Variants in CACNA1E observed in about 807,000 individuals in gnomAD.
CACNA1E encodes the protein voltage-dependent R-type calcium channel subunit alpha-1E.
Under a neutral mutation model 259.2 loss-of-function variants are expected in CACNA1E, and 40 were observed. The observed-to-expected ratio is 0.15, with a 90% CI of 0.12 to 0.20. The LOEUF (loss-of-function observed/expected upper bound fraction) is 0.20. Among genes scored for constraint, CACNA1E ranks in the 10% least tolerant of loss-of-function variants. CACNA1E has a pLI of 1.00. For missense variants in CACNA1E, 1,874 were observed against 3,040.1 expected, an observed-to-expected ratio of 0.62 and a Z score of 9.02; for synonymous variants, 1,104 against 1,138.5, an observed-to-expected ratio of 0.97 and a Z score of 0.61.
chr1:181,498,905 G>T (rs1179540371), intron 1 of CACNA1E, among the ~76,000 whole-genome samples: 1 of 152,132 alleles, frequency 6.6e-6, no homozygotes, highest in Non-Finnish European at 1.5e-5. Flanking sequence ...TTGGGGCATA[G>T]GAGGCTGGAT....
At chr1:181,472,106 T>G (rs111481826) in intron 2 of CACNA1E, among the ~76,000 whole-genome samples, 5 of 151,918 alleles carry the variant, frequency 3.3e-5, no homozygotes, top group Non-Finnish European at 5.9e-5. Context: ...TCCTGCCATT[T>G]GCCCCAACAT....
At chr1:181,439,431 C>A (rs202059875) in intron 2 of CACNA1E, among the ~76,000 whole-genome samples, 6 of 38,434 alleles carry the variant, frequency 1.6e-4, no homozygotes, top group Admixed American at 3.2e-4. Context: ...TAGACTCTAC[C>A]TTTTTTCTGC....
chr1:181,461,464 T>C (rs1011659125), intron 2 of CACNA1E, among the ~76,000 whole-genome samples: 21 of 148,750 alleles, frequency 1.4e-4, no homozygotes, highest in South Asian at 4.2e-4. Flanking sequence ...TGGCATCAAC[T>C]TGGGAGGCGG....
chr1:181,660,337 A>G (rs974457916), intron 7 of CACNA1E, among the ~76,000 whole-genome samples: 1 of 152,244 alleles, frequency 6.6e-6, no homozygotes. Context: ...TAGAATACAA[A>G]GATGGGTAAA....
intron 3 of CACNA1E, among the ~76,000 whole-genome samples, chr1:181,555,769 G>A (rs10436858): frequency 0.025 from 3,753 of 152,272 alleles, 149 homozygotes; most frequent in African/African-American, 0.086. Flanking sequence ...TAAATATAAT[G>A]TACTATGTTG....
intron 37 of CACNA1E, among the ~76,000 whole-genome samples, chr1:181,773,380 A>AG (rs1659692141): frequency 6.6e-6 from 1 of 152,230 alleles, no homozygotes; most frequent in Non-Finnish European, 1.5e-5. Context: ...ATAAAATGGG[A>AG]GAAAAAAATG....
intron 7 of CACNA1E, among the ~76,000 whole-genome samples, chr1:181,678,706 C>T (rs1448361099): frequency 6.6e-6 from 1 of 152,138 alleles, no homozygotes; most frequent in Non-Finnish European, 1.5e-5. Flanking sequence ...GGCTCAAATC[C>T]TCATTCTTCA....
chr1:181,325,494 T>C lies in CACNA1E; in HGVS notation c.-15+7371T>C, dbSNP rs73057819. Among the ~76,000 whole-genome samples the C allele has an allele frequency of 8.3e-3, 1,270 of 152,242 alleles. 23 individuals are homozygous for C. The highest frequency in any genetic ancestry group is 0.029 in the African/African-American group (1,224 of 41,554). ...AACTTCTTAGGCATTCAAATTCTCA[T>C]GCCCAGTCCCAGACATCCTGGATCA... is the stretch of plus-strand genomic sequence containing the variant. On this transcript the variant is annotated intron_variant, in intron 1 of 11. Coordinates refer to the CACNA1E transcript ENST00000524607.
rs180768939 is a variant in CACNA1E at position 181,807,622 on chromosome 1, A to C, written c.*8788A>C. On this transcript the variant is annotated 3_prime_UTR_variant, in exon 48 of 48. Coordinates refer to ENST00000367573, the MANE Select transcript of CACNA1E (RefSeq NM_001205293.3). The stretch of plus-strand genomic sequence containing the variant: ...TTTAATCTGAGCAACGCTTTTATCA[A>C]TTAGATAGAAACCAGCATTCCAAAA... The C allele has an allele frequency of 1.9e-4, 29 of 151,978 alleles. No homozygotes were observed. The highest frequency in any genetic ancestry group is 1.6e-3 in the Admixed American group (25 of 15,272). 9.4% of individuals were successfully genotyped at this position (151,978 alleles called of 1,614,324 possible).
chr1:181,626,475 C>T (rs1211567311), intron 6 of CACNA1E, among the ~76,000 whole-genome samples: 1 of 152,198 alleles, frequency 6.6e-6, no homozygotes. Flanking sequence ...TGGGAAGTTA[C>T]TCAGCCTCTC....
intron 2 of CACNA1E, among the ~76,000 whole-genome samples, chr1:181,475,539 G>A (rs1018392227): frequency 1.3e-5 from 2 of 152,130 alleles, no homozygotes; most frequent in South Asian, 2.1e-4. Context: ...TGAAGCAGGC[G>A]CTGTGAGCAG....
chr1:181,737,991 G>T (rs540214086), intron 23 of CACNA1E, among the ~76,000 whole-genome samples: 1 of 152,340 alleles, frequency 6.6e-6, no homozygotes, highest in East Asian at 1.9e-4. Flanking sequence ...CTCTCCTGGG[G>T]TCCCACGGGT....
At chr1:181,391,943 C>CTGTG (rs1224824583) in intron 1 of CACNA1E, among the ~76,000 whole-genome samples, 9 of 125,130 alleles carry the variant, frequency 7.2e-5, no homozygotes, top group South Asian at 2.4e-4. Context: ...CTCTCTCTCT[C>CTGTG]TCTGTGTGTG....
chr1:181,518,559 T>G (rs1190838860), intron 3 of CACNA1E, among the ~76,000 whole-genome samples: 1 of 152,236 alleles, frequency 6.6e-6, no homozygotes, highest in Non-Finnish European at 1.5e-5. Context: ...AGGTCTCTTC[T>G]TAGCTCTGTG....
intron 7 of CACNA1E, among the ~76,000 whole-genome samples, chr1:181,660,302 T>A (rs1307695244): frequency 6.6e-6 from 1 of 152,238 alleles, no homozygotes; most frequent in Admixed American, 6.5e-5. Context: ...GTGTCTGCTA[T>A]GCAAAAGATA....
chr1:181,681,885 C>T (rs1294978226), intron 7 of CACNA1E, among the ~76,000 whole-genome samples: 1 of 152,164 alleles, frequency 6.6e-6, no homozygotes, highest in Non-Finnish European at 1.5e-5. Flanking sequence ...CATTTTCTTC[C>T]TCTACAACCA....
chr1:181,453,669 C>G (rs1041992532), intron 2 of CACNA1E, among the ~76,000 whole-genome samples: 2 of 151,354 alleles, frequency 1.3e-5, no homozygotes, highest in African/African-American at 2.4e-5. Flanking sequence ...GTGGCAGAAT[C>G]CCGCAGTGGA....
intron 3 of CACNA1E, among the ~76,000 whole-genome samples, chr1:181,558,689 A>G (rs1299075383): frequency 6.6e-6 from 1 of 152,210 alleles, no homozygotes; most frequent in Non-Finnish European, 1.5e-5. Context: ...ACAGATCATG[A>G]CATTATTCTA....
chr1:181,731,181 CAGA>C lies in CACNA1E; in HGVS notation c.2250_2252del (p.Arg753del). 6.2e-7 allele frequency: 1 copy of C among 1,613,524 alleles called. No homozygotes were observed. The highest frequency in any genetic ancestry group is 8.5e-7 in the Non-Finnish European group (1 of 1,179,512). Reference sequence around the variant, plus strand: ...GTCCATTTTTCTTCCCCAGAAGAGACAGAAGGAGAAGACACCACATGTCGATGT... The same window carrying C: ...GTCCATTTTTCTTCCCCAGAAGAGACAGGAGAAGACACCACATGTCGATGT... On this transcript the variant is annotated inframe_deletion, in exon 19 of 48. Transcript: ENST00000367573.
Sources: allele counts gnomAD v4.1 joint callset (sites outside exome capture counted in the v4.1 genomes callset), GRCh38; gene constraint gnomAD v4.1.1; transcripts MANE v1.5; gene names NCBI Gene and HGNC (gene_info 2026-07-23, HGNC 2026-07-21).